The following PARP8 variants were observed in gnomAD, a reference collection of about 807,000 sequenced individuals.
PARP8 encodes the protein protein mono-ADP-ribosyltransferase PARP8.
A neutral mutation model predicts 124.1 loss-of-function variants in PARP8; 51 were observed. The observed-to-expected ratio is 0.41, with a 90% confidence interval of 0.33 to 0.52. The LOEUF is 0.52. PARP8 is among the 20% of genes least tolerant of loss of function. PARP8 has a pLI of 0.21. For synonymous variants in PARP8, 391 were observed against 361.5 expected, an observed-to-expected ratio of 1.08 and a Z score of -0.93; for missense variants, 860 against 1,018.9, an observed-to-expected ratio of 0.84 and a Z score of 2.12.
intron 10 of PARP8, 47 bp downstream of exon 10, chr5:50,788,636 G>C: frequency 1.4e-6 from 2 of 1,464,232 alleles, no homozygotes; most frequent in Non-Finnish European, 1.9e-6. Context: ...AAAGAGAACT[G>C]AGTTCTCATT....
intron 14 of PARP8, among the ~76,000 whole-genome samples, chr5:50,811,430 A>G (rs1744427840): frequency 6.6e-6 from 1 of 152,068 alleles, no homozygotes; most frequent in Admixed American, 6.6e-5. Context: ...AGTCAGAATG[A>G]CACATGAATA....
chr5:50,778,911 C>CT (rs1026192460), intron 9 of PARP8, among the ~76,000 whole-genome samples: 2 of 152,086 alleles, frequency 1.3e-5, no homozygotes, highest in Admixed American at 6.5e-5. Flanking sequence ...CAAAAGAGTA[C>CT]TTTGCATGTA....
Position 50,828,312 on chromosome 5 carries a change from T to C in PARP8, c.2091T>C (p.His697=), listed in dbSNP as rs748134633. ...KKLFGSTFAF[H]GSHIENWHSI... ...TTTTCCTTTCCGTCTGTTTTTTTAGTGGCTCACACATTGAAAACTGGCACT... is the reference window on the plus strand; with the variant it reads ...TTTTCCTTTCCGTCTGTTTTTTTAGCGGCTCACACATTGAAAACTGGCACT... The change falls in exon 21 of 26, where the codon CAT becomes CAC. Residue 697 remains histidine, a splice_region_variant and synonymous_variant. Coordinates refer to ENST00000281631, the MANE Select transcript of PARP8 (RefSeq NM_024615.4). 6.2e-7 allele frequency: 1 copy of C among 1,613,050 alleles called. No individual in the cohort carries two copies. The highest frequency in any genetic ancestry group is 8.5e-7 in the Non-Finnish European group (1 of 1,179,462).
intron 2 of PARP8, among the ~76,000 whole-genome samples, chr5:50,743,131 T>G (rs1758220869): frequency 6.6e-6 from 1 of 152,160 alleles, no homozygotes; most frequent in African/African-American, 2.4e-5. Flanking sequence ...ATTTGGAGAT[T>G]TGGTGAGCTA....
chr5:50,777,595 A>C (rs1289129128), intron 7 of PARP8, among the ~76,000 whole-genome samples: 1 of 151,990 alleles, frequency 6.6e-6, no homozygotes, highest in East Asian at 1.9e-4. Context: ...CTGACATTTA[A>C]GTGGCAGAAC....
chr5:50,676,057 A>G (rs1750598678), intron 2 of PARP8, among the ~76,000 whole-genome samples: 1 of 152,354 alleles, frequency 6.6e-6, no homozygotes, highest in South Asian at 2.1e-4. Flanking sequence ...AACAGTTTTA[A>G]TGATTGGCTT....
intron 2 of PARP8, 146 bp downstream of exon 2, chr5:50,668,271 C>T: frequency 1.3e-6 from 1 of 744,134 alleles, no homozygotes; most frequent in Non-Finnish European, 2.3e-6. Context: ...GCCTGACGTC[C>T]CTCGGTTTTA....
chr5:50,749,567 A>G lies in PARP8; in HGVS notation c.147-584A>G, dbSNP rs147630002. 3.3e-4 allele frequency among the ~76,000 whole-genome samples: 50 copies of G among 152,250 alleles called. 1 individual carries two copies. The East Asian group carries it at 7.1e-3, about 22-fold the overall frequency. On this transcript the variant is annotated intron_variant, in intron 2 of 25. Coordinates refer to ENST00000281631, the MANE Select transcript of PARP8 (RefSeq NM_024615.4). ...ATTGTTAAAATATAATTTAAAAATT[A>G]TTTTGAAACAACTCAATCCTTATGA...
chr5:50,777,218 G>A (rs1740135393), intron 7 of PARP8, among the ~76,000 whole-genome samples: 1 of 152,198 alleles, frequency 6.6e-6, no homozygotes, highest in African/African-American at 2.4e-5. Flanking sequence ...TACCTTAGGT[G>A]TTTTGTGAGT....
intron 1 of PARP8, chr5:50,667,422 C>A (rs886873431): frequency 2.8e-6 from 2 of 701,986 alleles, no homozygotes; most frequent in Non-Finnish European, 5.2e-6. Flanking sequence ...GCAGAGCCCG[C>A]GTGGCCGGAG....
intron 14 of PARP8, 87 bp from the exon 15 acceptor site, chr5:50,815,345 C>T: frequency 1.1e-6 from 1 of 912,026 alleles, no homozygotes; most frequent in Non-Finnish European, 1.6e-6. Context: ...CTTGCATTTT[C>T]TATTTATTAT....
intron 7 of PARP8, among the ~76,000 whole-genome samples, chr5:50,771,852 T>G (rs1250071162): frequency 6.6e-6 from 1 of 152,192 alleles, no homozygotes; most frequent in East Asian, 1.9e-4. Context: ...ACATTGATCT[T>G]TTTTGTGGTG....
chr5:50,787,649 T>C (rs1741413060), intron 9 of PARP8, among the ~76,000 whole-genome samples: 4 of 152,056 alleles, frequency 2.6e-5, no homozygotes, highest in Admixed American at 2.0e-4. Flanking sequence ...TTTTTACTCT[T>C]CCATCTGAAA....
At chr5:50,743,958 T>C (rs1400024837) in intron 2 of PARP8, among the ~76,000 whole-genome samples, 3 of 152,096 alleles carry the variant, frequency 2.0e-5, no homozygotes, top group Non-Finnish European at 4.4e-5. Flanking sequence ...AGAAATTGTT[T>C]TAAATATTAG....
intron 9 of PARP8, among the ~76,000 whole-genome samples, chr5:50,781,680 C>G (rs1014489966): frequency 1.3e-5 from 2 of 152,184 alleles, no homozygotes; most frequent in African/African-American, 2.4e-5. Context: ...GACAAATAAG[C>G]TTTCTTTTTC....
At chr5:50,753,168 TGTATATTACAA>T (rs1449953443) in intron 3 of PARP8, among the ~76,000 whole-genome samples, 3 of 152,074 alleles carry the variant, frequency 2.0e-5, no homozygotes, top group Non-Finnish European at 4.4e-5. Flanking sequence ...ACAATAGTTG[TGTATATTACAA>T]GTCACAGGTT....
chr5:50,816,654 GA>G (rs1745135961), intron 15 of PARP8, among the ~76,000 whole-genome samples: 1 of 152,098 alleles, frequency 6.6e-6, no homozygotes, highest in East Asian at 1.9e-4. Context: ...TATATGATAT[GA>G]AAAAAATGAT....
chr5:50,759,507 A>G, intron 3 of PARP8, 136 bp from the exon 4 acceptor site: 1 of 948,940 alleles, frequency 1.1e-6, no homozygotes, highest in South Asian at 2.8e-5. Flanking sequence ...ATATTTTTTG[A>G]GTTTAATCAA....
intron 2 of PARP8, among the ~76,000 whole-genome samples, chr5:50,696,532 A>G (rs932909212): frequency 1.5e-4 from 23 of 152,172 alleles, no homozygotes; most frequent in Admixed American, 2.0e-4. Flanking sequence ...ACCCACCAGT[A>G]ACTTCTCTTG....
Sources: allele counts gnomAD v4.1 joint callset (sites outside exome capture counted in the v4.1 genomes callset), GRCh38; gene constraint gnomAD v4.1.1; transcripts MANE v1.5; gene names NCBI Gene and HGNC (gene_info 2026-07-23, HGNC 2026-07-21).